TBC1D5: variants seen among roughly 807,000 people sequenced by gnomAD.
The protein encoded by TBC1D5 is TBC1 domain family, member 5.
Under a neutral mutation model 100.3 loss-of-function variants are expected in TBC1D5, and 75 were observed. The ratio of observed to expected loss-of-function variants is 0.75; its 90% CI spans 0.62 to 0.91. The LOEUF is 0.91. Ranked by LOEUF, TBC1D5 falls within the 40% of genes least tolerant of loss-of-function variation. TBC1D5 has a pLI of 0.00. For synonymous variants in TBC1D5, 323 were observed against 325.6 expected (o/e 0.99, Z 0.09); for missense variants, 910 against 942.4 (o/e 0.97, Z 0.45).
chr3:17,563,732 GGGAAA>G (rs1334191706), intron 2 of TBC1D5, among the ~76,000 whole-genome samples: 2 of 152,058 alleles, frequency 1.3e-5, no homozygotes, highest in Non-Finnish European at 2.9e-5. Flanking sequence ...GTCATCACTG[GGGAAA>G]GAATTACTGG....
intron 2 of TBC1D5, among the ~76,000 whole-genome samples, chr3:17,612,369 C>T (rs2061739992): frequency 6.6e-6 from 1 of 151,246 alleles, no homozygotes; most frequent in South Asian, 2.1e-4. Context: ...TGGCTCATAC[C>T]TGTAACCCCA....
At chr3:17,551,237 C>A (rs901870604) in intron 2 of TBC1D5, among the ~76,000 whole-genome samples, 1 of 152,066 alleles carries the variant, frequency 6.6e-6, no homozygotes, top group Non-Finnish European at 1.5e-5. Flanking sequence ...GTAAAGACGA[C>A]CATCTGCTTG....
chr3:17,607,399 T>C (rs2061393226), intron 2 of TBC1D5, among the ~76,000 whole-genome samples: 1 of 152,210 alleles, frequency 6.6e-6, no homozygotes, highest in Admixed American at 6.5e-5. Flanking sequence ...CAACTCAACA[T>C]AAATTTGAAT....
intron 1 of TBC1D5, among the ~76,000 whole-genome samples, chr3:17,671,881 T>C (rs1012871131): frequency 1.3e-5 from 2 of 152,238 alleles, no homozygotes; most frequent in African/African-American, 4.8e-5. Context: ...CATCTGTTTA[T>C]TACACAGCAT....
rs562511462 is a variant in TBC1D5, at chr3:17,444,455, C to T, written c.98-15936G>A. On this transcript the variant is annotated intron_variant, in intron 3 of 21. Transcript: ENST00000253692. ...CTTTTTACAAAGAAATTTTAACTGG[C>T]TACATAATAATCAATGTATGTCCTA... Among the ~76,000 whole-genome samples the T allele has an allele frequency of 7.3e-4, 111 of 152,156 alleles. 1 individual carries two copies. Among genetic ancestry groups the T allele is most frequent in the Admixed American group, 7.9e-4 (12 of 15,282 alleles).
At chr3:17,484,907 A>G (rs571488273) in intron 3 of TBC1D5, among the ~76,000 whole-genome samples, 1 of 152,086 alleles carries the variant, frequency 6.6e-6, no homozygotes. Flanking sequence ...ACCCACATTC[A>G]CTCTACTTGA....
chr3:17,626,406 G>C (rs1261421532), intron 1 of TBC1D5, among the ~76,000 whole-genome samples: 1 of 152,108 alleles, frequency 6.6e-6, no homozygotes, highest in African/African-American at 2.4e-5. Context: ...AAAAATAAGT[G>C]GGCATTTGTA....
intron 19 of TBC1D5, among the ~76,000 whole-genome samples, chr3:17,179,614 G>A (rs543121124): frequency 8.5e-5 from 13 of 152,296 alleles, no homozygotes; most frequent in African/African-American, 2.4e-4. Flanking sequence ...AGCTGGAAGC[G>A]TCACTCACCC....
chr3:17,688,989 G>C (rs185761886), intron 1 of TBC1D5, among the ~76,000 whole-genome samples: 87 of 152,232 alleles, frequency 5.7e-4, no homozygotes, highest in Non-Finnish European at 8.5e-4. Context: ...ACAGAGAATT[G>C]TTATATTGGC....
At chr3:17,416,290 A>G (rs2094068377) in intron 4 of TBC1D5, among the ~76,000 whole-genome samples, 1 of 152,226 alleles carries the variant, frequency 6.6e-6, no homozygotes, top group South Asian at 2.1e-4. Flanking sequence ...GTAAGCACTG[A>G]CCATACATAG....
chr3:17,673,515 C>T (rs528123933), intron 1 of TBC1D5, among the ~76,000 whole-genome samples: 1 of 150,748 alleles, frequency 6.6e-6, no homozygotes, highest in Non-Finnish European at 1.5e-5. Context: ...AGGGTTTCGC[C>T]GTATTGCCCA....
intron 8 of TBC1D5, among the ~76,000 whole-genome samples, chr3:17,402,867 G>A (rs1250432540): frequency 6.6e-6 from 1 of 152,100 alleles, no homozygotes; most frequent in South Asian, 2.1e-4. Context: ...AATTTTTCTG[G>A]CAACAAGACT....
At chr3:17,471,670 C>CAAAA (rs753132440) in intron 3 of TBC1D5, among the ~76,000 whole-genome samples, 2 of 22,272 alleles carry the variant, frequency 9.0e-5, no homozygotes, top group African/African-American at 1.9e-4. Flanking sequence ...GACTCCGTCT[C>CAAAA]AAAAAAAAAA....
intron 15 of TBC1D5, among the ~76,000 whole-genome samples, chr3:17,278,012 GA>G (rs2080200463): frequency 6.6e-6 from 1 of 152,162 alleles, no homozygotes; most frequent in South Asian, 2.1e-4. Flanking sequence ...GAACCATCTA[GA>G]AAAAGTGTAC....
rs568545994 is a variant in TBC1D5, at chr3:17,678,407, T to C, written c.-100-54494A>G. Among the ~76,000 whole-genome samples, 4 of 152,140 alleles carry C rather than the reference T, an allele frequency of 2.6e-5. No homozygotes were observed. The South Asian group carries it at 8.3e-4, about 32-fold the overall frequency. ...TCTCCCTCCCAAAACCCTACTAAAA[T>C]AGCAGTTAATAATTTTTTAAGGTGT... On this transcript the variant is annotated intron_variant, in intron 1 of 21. Coordinates refer to ENST00000253692, the Ensembl canonical transcript of TBC1D5.
chr3:17,170,971 C>T (rs146900032), intron 19 of TBC1D5, among the ~76,000 whole-genome samples: 6 of 152,268 alleles, frequency 3.9e-5, no homozygotes, highest in East Asian at 1.9e-4. Flanking sequence ...TTTCGGCACA[C>T]GTGAGTTTAG....
intron 2 of TBC1D5, among the ~76,000 whole-genome samples, chr3:17,621,059 G>A (rs1031344032): frequency 6.6e-6 from 1 of 152,088 alleles, no homozygotes; most frequent in Non-Finnish European, 1.5e-5. Context: ...AAAAGTAAAT[G>A]TGTTGATACT....
At chr3:17,452,724 C>G (rs984737366) in intron 3 of TBC1D5, among the ~76,000 whole-genome samples, 16 of 151,980 alleles carry the variant, frequency 1.1e-4, no homozygotes, top group African/African-American at 3.9e-4. Flanking sequence ...CTAGAGAATT[C>G]AGCACCCCAC....
chr3:17,268,161 C>T (rs1460536539), intron 15 of TBC1D5, among the ~76,000 whole-genome samples: 1 of 151,666 alleles, frequency 6.6e-6, no homozygotes, highest in African/African-American at 2.4e-5. Flanking sequence ...TTCTAGACTC[C>T]ATGTGTCATT....
Sources: gnomAD v4.1 joint callset for allele counts (sites outside exome capture counted in the v4.1 genomes callset) on GRCh38, gnomAD v4.1.1 for gene constraint, MANE v1.5 for transcripts, NCBI Gene and HGNC (gene_info 2026-07-23, HGNC 2026-07-21) for gene names.